The following USP42 variants were observed in gnomAD, a reference collection of about 807,000 sequenced individuals.
USP42 encodes ubiquitin carboxyl-terminal hydrolase 42.
In USP42, 23 loss-of-function variants were observed where a neutral mutation model predicts 113.0. The observed-to-expected ratio is 0.20, with a 90% CI of 0.15 to 0.29. The LOEUF (loss-of-function observed/expected upper bound fraction) is 0.29, where lower values mean the gene tolerates loss of function less well. USP42 is among the 10% of genes least tolerant of loss of function. USP42 has a pLI of 1.00. For missense variants in USP42, 2,174 were observed against 1,779.8 expected, an observed-to-expected ratio of 1.22 and a Z score of -3.99; for synonymous variants, 933 against 699.0, an observed-to-expected ratio of 1.33 and a Z score of -5.28.
Position 6,154,857 on chromosome 7 carries a change from G to A in USP42, c.3303G>A (p.Arg1101=). The part of the protein sequence containing the change: ...RPHKDHNRGR[R]GCEPARERER... ...ACAAGGACCACAACCGGGGCCGTAG[G>A]GGCTGCGAGCCGGCCCGGGAGAGGG... is the stretch of plus-strand genomic sequence containing the variant. Residue 1101 remains arginine, a synonymous_variant, in exon 15 of 18, where the codon AGG becomes AGA. Transcript: ENST00000306177. 1.3e-6 allele frequency: 2 copies of A among 1,530,868 alleles called. No individual in the cohort carries two copies. The highest frequency in any genetic ancestry group is 1.8e-6 in the Non-Finnish European group (2 of 1,136,954). The allele number at this position is 1,530,868 out of a possible 1,614,324, so 94.8% of individuals were successfully genotyped here.
chr7:6,096,867 C>G, the USP42 span, among the ~76,000 whole-genome samples: 1 of 151,142 alleles, frequency 6.6e-6, no homozygotes, highest in Non-Finnish European at 1.5e-5. Context: ...CCTTCTGCTG[C>G]GTAAGCACTG....
chr7:6,122,987 C>T (rs1411438512), intron 3 of USP42, among the ~76,000 whole-genome samples: 1 of 151,986 alleles, frequency 6.6e-6, no homozygotes, highest in East Asian at 1.9e-4. Flanking sequence ...CCACACCTGA[C>T]TGATTTTTGT....
the USP42 span, among the ~76,000 whole-genome samples, chr7:6,098,782 G>A: frequency 6.0e-5 from 9 of 150,360 alleles, no homozygotes. Flanking sequence ...CTGATTTCAA[G>A]TGGTCTGTCT....
intron 7 of USP42, among the ~76,000 whole-genome samples, chr7:6,141,201 C>CTTTTTTT (rs903124477): frequency 1.7e-4 from 21 of 124,002 alleles, no homozygotes; most frequent in Non-Finnish European, 2.7e-4. Flanking sequence ...TTTTTCTTTT[C>CTTTTTTT]TTTTTTTTTT....
intron 7 of USP42, 90 bp downstream of exon 7, chr7:6,141,074 G>A (rs952052107): frequency 1.6e-6 from 1 of 611,578 alleles, no homozygotes; most frequent in Non-Finnish European, 2.7e-6. Context: ...CTACTTGTTA[G>A]AGAATATAAA....
At chr7:6,129,208 A>G (rs1413403777) in intron 3 of USP42, among the ~76,000 whole-genome samples, 2 of 152,256 alleles carry the variant, frequency 1.3e-5, no homozygotes, top group Non-Finnish European at 2.9e-5. Context: ...AGGGACGTAT[A>G]GAAACATTAC....
intron 4 of USP42, 51 bp downstream of exon 4, chr7:6,136,002 C>CTT (rs11322306): frequency 0.01 from 5,506 of 545,232 alleles, no homozygotes; most frequent in South Asian, 0.021. Context: ...CCTAGTTATA[C>CTT]TTTTTTTTTT....
At chr7:6,082,383 C>T in the USP42 span, among the ~76,000 whole-genome samples, 1 of 151,960 alleles carries the variant, frequency 6.6e-6, no homozygotes, top group Non-Finnish European at 1.5e-5. Context: ...CTGCCTTGGC[C>T]TCCCGAAGTG....
chr7:6,154,791 C>T lies in USP42; in HGVS notation c.3237C>T (p.Gly1079=), dbSNP rs768219419. The T allele has an allele frequency of 2.6e-6, 4 of 1,547,794 alleles. No homozygotes were observed. The highest frequency in any genetic ancestry group is 1.4e-5 in the African/African-American group (1 of 72,836). The change falls in exon 15 of 18, where the codon GGC becomes GGT. Residue 1079 remains glycine, a synonymous_variant. Transcript: ENST00000306177. ...CCCGGGACTGGAAGCCCTTCCACGG[C>T]GGCCGCGAGCACGAGCGGGCCGGGC... is the stretch of plus-strand genomic sequence containing the variant. ...YAARDWKPFH[G]GREHERAGLH...
intron 3 of USP42, among the ~76,000 whole-genome samples, chr7:6,128,911 C>T (rs1020281189): frequency 7.3e-5 from 11 of 151,170 alleles, no homozygotes; most frequent in African/African-American, 2.4e-4. Flanking sequence ...GCCTCAGTCT[C>T]CCAACCTCAA....
Position 6,153,767 on chromosome 7 carries a change from C to A in USP42, c.2213C>A (p.Ala738Glu), listed in dbSNP as rs1782209605. 1 of 1,466,640 alleles carries A rather than the reference C, an allele frequency of 6.8e-7. No individual in the cohort carries two copies. The highest frequency in any genetic ancestry group is 9.0e-7 in the Non-Finnish European group (1 of 1,106,784). 90.9% of individuals were successfully genotyped at this position (1,466,640 alleles called of 1,614,324 possible). ...GSTDEMSAPG[A>E]ERGPPEDRDA... The stretch of plus-strand genomic sequence containing the variant: ...TTTGGGGGCTGCAGTGCACCTGGAG[C>A]AGAGAGGGGCCCTCCCGAGGACCGC... Residue 738 changes from alanine to glutamate, a missense_variant, in exon 15 of 18, where the codon GCA (alanine) becomes GAA (glutamate). By Grantham distance (107) the Ala-to-Glu change is moderately radical. Coordinates refer to ENST00000306177, the MANE Select transcript of USP42 (RefSeq NM_032172.3).
At chr7:6,104,244 G>A (rs1386885411), upstream of USP42, among the ~76,000 whole-genome samples, 4 of 151,148 alleles carry the variant, frequency 2.6e-5, no homozygotes, top group South Asian at 8.3e-4. Context: ...CACCACGCCC[G>A]GCTAATTTTT....
rs1311864655 is a variant in USP42 at position 6,157,510 on chromosome 7, G to T, written c.3943+455G>T. On this transcript the variant is annotated intron_variant, in intron 16 of 17. Transcript: ENST00000306177. The surrounding 1 kb of genome is among the most constrained non-coding windows in gnomAD (Gnocchi z 4.1). ...CCTCCCAGGTTCATGCTGTTCTCCT[G>T]CCTCAGCCTCCTGAGTAGCCGGGAC... 7 of 546,676 alleles carry T rather than the reference G, an allele frequency of 1.3e-5. No individual in the cohort carries two copies. The highest frequency in any genetic ancestry group is 1.6e-5 in the Non-Finnish European group (7 of 429,226). 33.9% of individuals were successfully genotyped at this position (546,676 alleles called of 1,614,324 possible). A position where few individuals can be genotyped will look rare whatever the true frequency, so the allele number is the denominator to read the frequency against.
chr7:6,089,752 C>A, the USP42 span, among the ~76,000 whole-genome samples: 1 of 149,824 alleles, frequency 6.7e-6, no homozygotes, highest in Non-Finnish European at 1.5e-5. Context: ...AGGCTGTTCT[C>A]AAACTCCTGA....
rs763262511 is a variant in USP42, at chr7:6,153,990, C to G, written c.2436C>G (p.Asp812Glu). ...GCGCCGGCGAGGACATCGTGGGGGA[C>G]ACAGCACCCCCTGACCTGTGTGATC... ...PPSAGEDIVG[D>E]TAPPDLCDPG... The change falls in exon 15 of 18, where the codon GAC becomes GAG. Residue 812 changes from aspartate to glutamate, a missense_variant. Physicochemically the swap from Asp to Glu is conservative, Grantham distance 45. Coordinates refer to ENST00000306177, the MANE Select transcript of USP42 (RefSeq NM_032172.3). 10 of 1,599,682 alleles carry G rather than the reference C, an allele frequency of 6.3e-6. No individual in the cohort carries two copies. Among genetic ancestry groups the G allele is most frequent in the Non-Finnish European group, 7.6e-6 (9 of 1,176,472 alleles).
At chr7:6,134,817 G>A (rs565703614) in intron 3 of USP42, among the ~76,000 whole-genome samples, 2 of 152,090 alleles carry the variant, frequency 1.3e-5, no homozygotes, top group East Asian at 1.9e-4. Context: ...ACAGGGTCTC[G>A]CTCTGTTGCC....
At position 6,159,104 on chromosome 7, in the gene USP42, C is replaced by T. The variant is rs1456108866; in HGVS notation, c.3944-346C>T. 6.6e-6 allele frequency among the ~76,000 whole-genome samples: 1 copy of T among 152,166 alleles called. No homozygotes were observed. Among genetic ancestry groups the T allele is most frequent in the Non-Finnish European group, 1.5e-5 (1 of 68,020 alleles). ...CCCAGCGTCCTGTGGTCCTGCGGGT[C>T]CCCCTCTACCCTGGACTTCGGCCCC... On this transcript the variant is annotated intron_variant, in intron 16 of 17. Coordinates refer to ENST00000306177, the MANE Select transcript of USP42 (RefSeq NM_032172.3). The surrounding 1 kb of genome is among the most constrained non-coding windows in gnomAD (Gnocchi z 4.1).
intron 1 of USP42, among the ~76,000 whole-genome samples, chr7:6,107,267 C>G (rs1364126550): frequency 2.0e-5 from 3 of 151,956 alleles, no homozygotes; most frequent in Non-Finnish European, 4.4e-5. Context: ...TTTATTTGGT[C>G]ATTTGTTAGT....
chr7:6,147,796 G>T lies in USP42; in HGVS notation c.1290G>T (p.Gln430His). The change falls in exon 12 of 18, where the codon CAG (glutamine) becomes CAT (histidine). Residue 430 changes from glutamine to histidine, a missense_variant. Physicochemically the swap from Gln to His is conservative, Grantham distance 24. Coordinates refer to ENST00000306177, the MANE Select transcript of USP42 (RefSeq NM_032172.3). Reference protein sequence around the residue: ...ELTHPTHSPGQSSPRPVISQR... With the variant: ...ELTHPTHSPGHSSPRPVISQR... ...CTCATCCCACCCATAGCCCCGGCCA[G>T]TCCTCTCCCCGCCCCGTCATCAGTC... The T allele has an allele frequency of 1.2e-6, 2 of 1,613,058 alleles. No individual in the cohort carries two copies. The highest frequency in any genetic ancestry group is 1.1e-5 in the South Asian group (1 of 90,926).
Sources: gnomAD v4.1 joint callset for allele counts (sites outside exome capture counted in the v4.1 genomes callset) on GRCh38, gnomAD v4.1.1 for gene constraint, Gnocchi (gnomAD v3.1) non-coding constraint, MANE v1.5 for transcripts, NCBI Gene and HGNC (gene_info 2026-07-23, HGNC 2026-07-21) for gene names.